The following CD99L2 variants were observed in gnomAD, a reference collection of about 807,000 sequenced individuals.
CD99L2 encodes CD99 antigen-like protein 2.
CD99L2 carries 24 observed loss-of-function variants against 27.3 expected under a neutral mutation model. The ratio of observed to expected loss-of-function variants is 0.88; its 90% CI spans 0.64 to 1.24. The LOEUF is 1.24. Among genes scored for constraint, CD99L2 ranks in the 50% most tolerant of loss-of-function variants. The pLI, the probability that CD99L2 is intolerant of heterozygous loss-of-function variation, is 0.00. For synonymous variants in CD99L2, 97 were observed against 87.9 expected, an observed-to-expected ratio of 1.10 and a Z score of -0.58; for missense variants, 255 against 221.6, an observed-to-expected ratio of 1.15 and a Z score of -0.96.
intron 1 of CD99L2, among the ~76,000 whole-genome samples, chrX:150,893,720 CT>C (rs1233597204): frequency 9.2e-6 from 1 of 109,096 alleles, no homozygotes; most frequent in Admixed American, 9.9e-5. Flanking sequence ...CAACTCAGCC[CT>C]TTTTTTTGTT....
intron 4 of CD99L2, among the ~76,000 whole-genome samples, chrX:150,813,186 C>T (rs1252914889): frequency 4.5e-5 from 5 of 111,239 alleles, no homozygotes; most frequent in Non-Finnish European, 9.4e-5. Context: ...GATACACAAA[C>T]CTACACACGT....
At chrX:150,875,784 A>C (rs782086129) in intron 1 of CD99L2, among the ~76,000 whole-genome samples, 6 of 108,341 alleles carry the variant, frequency 5.5e-5, no homozygotes, top group African/African-American at 2.0e-4. Flanking sequence ...CAGTTTTATG[A>C]GAAAGAGTTT....
intron 1 of CD99L2, among the ~76,000 whole-genome samples, chrX:150,850,732 G>A (rs782418805): frequency 8.9e-6 from 1 of 112,388 alleles, no homozygotes; most frequent in South Asian, 3.7e-4. Context: ...TGAGCCCCAG[G>A]TGCAACAACA....
chrX:150,838,918 T>TG (rs1211157850), intron 1 of CD99L2, among the ~76,000 whole-genome samples: 3,214 of 31,814 alleles, frequency 0.1, 190 homozygotes, highest in Non-Finnish European at 0.14. Context: ...AAAAAAAAAA[T>TG]GGGGGGGGGG....
chrX:150,780,246 C>CA (rs2045486865), intron 7 of CD99L2, among the ~76,000 whole-genome samples: 1 of 110,249 alleles, frequency 9.1e-6, no homozygotes, highest in East Asian at 2.8e-4. Flanking sequence ...AACTATAATC[C>CA]AAAAAAAGAA....
chrX:150,880,723 T>G (rs782393230), intron 1 of CD99L2, among the ~76,000 whole-genome samples: 2 of 111,763 alleles, frequency 1.8e-5, no homozygotes, highest in Non-Finnish European at 3.8e-5. Context: ...TTTTAACATG[T>G]GGGAGGAGAA....
At chrX:150,898,054 A>AACCCCCCCCCCC (rs2047641582) in intron 1 of CD99L2, among the ~76,000 whole-genome samples, 2 of 29,925 alleles carry the variant, frequency 6.7e-5, no homozygotes, top group Admixed American at 9.3e-4. Flanking sequence ...CGCCTCGCTG[A>AACCCCCCCCCCC]CCCCCCCCCC....
chrX:150,839,293 A>G (rs1557421308), intron 1 of CD99L2, among the ~76,000 whole-genome samples: 1 of 111,977 alleles, frequency 8.9e-6, no homozygotes, highest in Admixed American at 9.5e-5. Flanking sequence ...TCATAAAATG[A>G]ACAAAACCCA....
chrX:150,846,237 ATAC>A (rs2046701025), intron 1 of CD99L2, among the ~76,000 whole-genome samples: 1 of 112,191 alleles, frequency 8.9e-6, no homozygotes, highest in African/African-American at 3.2e-5. Flanking sequence ...AAAATAAAAG[ATAC>A]TACATGTTTG....
chrX:150,783,871 C>A (rs965366101), intron 7 of CD99L2, among the ~76,000 whole-genome samples: 2 of 111,771 alleles, frequency 1.8e-5, no homozygotes, highest in Non-Finnish European at 3.8e-5. Context: ...CTCTGCAGTG[C>A]ATGGAGGGTT....
chrX:150,886,252 T>C (rs1227504245), intron 1 of CD99L2, among the ~76,000 whole-genome samples: 5 of 112,493 alleles, frequency 4.4e-5, no homozygotes, highest in African/African-American at 1.6e-4. Context: ...TATATAGTCA[T>C]GTGGCCACAT....
intron 1 of CD99L2, among the ~76,000 whole-genome samples, chrX:150,884,413 T>C (rs2047377456): frequency 1.8e-5 from 2 of 112,036 alleles, no homozygotes; most frequent in African/African-American, 3.2e-5. Context: ...GCACAATGTC[T>C]GACACCTGTA....
intron 1 of CD99L2, among the ~76,000 whole-genome samples, chrX:150,854,301 T>C (rs888597012): frequency 3.6e-5 from 4 of 111,983 alleles, no homozygotes; most frequent in Non-Finnish European, 7.5e-5. Flanking sequence ...TTTACCTGCC[T>C]ACTCTGTCTG....
At chrX:150,806,422 AT>A (rs1205848757) in intron 4 of CD99L2, among the ~76,000 whole-genome samples, 2 of 111,411 alleles carry the variant, frequency 1.8e-5, no homozygotes, top group Admixed American at 1.9e-4. Context: ...CGCCCAGCTA[AT>A]TTTTTCATCT....
intron 1 of CD99L2, among the ~76,000 whole-genome samples, chrX:150,854,909 T>A (rs2046848651): frequency 9.4e-6 from 1 of 106,844 alleles, no homozygotes; most frequent in South Asian, 4.2e-4. Context: ...CTGCCCCCCC[T>A]CCCCCCGGTG....
At chrX:150,775,594 C>G (rs1557419230) in intron 9 of CD99L2, among the ~76,000 whole-genome samples, 1 of 112,819 alleles carries the variant, frequency 8.9e-6, no homozygotes, top group Non-Finnish European at 1.9e-5. Context: ...CATTCTTTCT[C>G]TCACATTCCT....
Position 150,898,647 on chromosome X carries a change from G to A in CD99L2, c.-59C>T, listed in dbSNP as rs2047659684. The A allele has an allele frequency of 1.0e-6, 1 of 993,220 alleles. No homozygotes were observed. Among genetic ancestry groups the A allele is most frequent in the African/African-American group, 2.0e-5 (1 of 48,929 alleles). 81.9% of individuals were successfully genotyped at this position (993,220 alleles called of 1,213,427 possible). On this transcript the variant is annotated 5_prime_UTR_variant, in exon 1 of 11. Transcript: ENST00000370377. ...CAGTTAGCGCGAGAGCGCCCGAAGG[G>A]GAGGCCGAGGAGGAGCGGGAGGAGG...
intron 2 of CD99L2, chrX:150,829,621 T>C (rs990017829): frequency 7.7e-5 from 22 of 285,062 alleles, no homozygotes; most frequent in African/African-American, 2.8e-4. Flanking sequence ...AAAACCAACA[T>C]AGACATGTTC....
At chrX:150,872,254 C>T (rs2047168775) in intron 1 of CD99L2, among the ~76,000 whole-genome samples, 1 of 110,059 alleles carries the variant, frequency 9.1e-6, no homozygotes, top group Non-Finnish European at 1.9e-5. Flanking sequence ...CAAAAAAACA[C>T]TCATAAACAG....
Sources: allele counts gnomAD v4.1 joint callset (sites outside exome capture counted in the v4.1 genomes callset), GRCh38; gene constraint gnomAD v4.1.1; transcripts MANE v1.5; gene names NCBI Gene and HGNC (gene_info 2026-07-23, HGNC 2026-07-21).